Variants in ATAD3B observed in about 807,000 individuals in gnomAD.
The protein encoded by ATAD3B is ATPase family AAA domain containing 3B.
In ATAD3B, 59 loss-of-function variants were observed where a neutral mutation model predicts 70.2. The ratio of observed to expected loss-of-function variants is 0.84; its 90% CI spans 0.68 to 1.04. The LOEUF is 1.04. ATAD3B is among the 50% of genes least tolerant of loss of function. The pLI, the probability that ATAD3B is intolerant of heterozygous loss-of-function variation, is 0.00. For missense variants in ATAD3B, 961 were observed against 913.4 expected (o/e 1.05, Z -0.67); for synonymous variants, 423 against 388.6 (o/e 1.09, Z -1.04).
chr1:1,491,135 A>C (rs1225303823), intron 15 of ATAD3B, among the ~76,000 whole-genome samples: 1 of 151,582 alleles, frequency 6.6e-6, no homozygotes, highest in African/African-American at 2.4e-5. Context: ...CTGGCCTCCG[A>C]TTGTCCCACA....
intron 3 of ATAD3B, 76 bp from the exon 4 acceptor site, chr1:1,478,973 C>G: frequency 1.3e-6 from 1 of 752,276 alleles, no homozygotes; most frequent in Non-Finnish European, 2.0e-6. Flanking sequence ...GCGTCGGAGT[C>G]CCCGGCGCTC....
chr1:1,498,907 C>T (rs1377519750), downstream of ATAD3B, among the ~76,000 whole-genome samples: 1 of 151,632 alleles, frequency 6.6e-6, no homozygotes, highest in Non-Finnish European at 1.5e-5. Context: ...AGCGCCTGGA[C>T]AAGGGAGGGG....
In ATAD3B at chr1:1,497,425, C is replaced by T. The variant is rs1640827389; in HGVS notation, c.*1608C>T. On this transcript the variant is annotated 3_prime_UTR_variant, in exon 16 of 16. Transcript: ENST00000673477. ...TAAAAATTTGTTGTAGAGACCGAGTCTTGCTATAATGCCCAGGCTGGTCTC... is the reference window on the plus strand; with the variant it reads ...TAAAAATTTGTTGTAGAGACCGAGTTTTGCTATAATGCCCAGGCTGGTCTC... 6.7e-6 allele frequency: 1 copy of T among 149,556 alleles called. No homozygotes were observed. Among genetic ancestry groups the T allele is most frequent in the Non-Finnish European group, 1.5e-5 (1 of 67,630 alleles). The allele number at this position is 149,556 out of a possible 1,614,324, so 9.3% of individuals were successfully genotyped here. A position where few individuals can be genotyped will look rare whatever the true frequency, so the allele number is the denominator to read the frequency against.
chr1:1,507,349 A>G, the ATAD3B span, among the ~76,000 whole-genome samples: 17 of 152,156 alleles, frequency 1.1e-4, no homozygotes, highest in Non-Finnish European at 4.4e-5. Context: ...GTGTGTTTCA[A>G]TTCCTGGCTT....
At chr1:1,477,185 T>G (rs547399752) in intron 1 of ATAD3B, 89 bp from the exon 2 acceptor site, 21 of 1,527,042 alleles carry the variant, frequency 1.4e-5, no homozygotes, top group Non-Finnish European at 1.9e-5. Flanking sequence ...GGTTTTTGTA[T>G]TTTTAGTAGA....
downstream of ATAD3B, among the ~76,000 whole-genome samples, chr1:1,498,619 G>A (rs1346587757): frequency 6.6e-6 from 1 of 151,782 alleles, no homozygotes; most frequent in Non-Finnish European, 1.5e-5. Flanking sequence ...TGTTGCCTAG[G>A]CTGGTCTCCA....
In ATAD3B at chr1:1,495,779, G is replaced by T; in HGVS notation, c.1909G>T (p.Gly637Cys). 1.2e-6 allele frequency: 2 copies of T among 1,603,546 alleles called. No homozygotes were observed. Among genetic ancestry groups the T allele is most frequent in the Non-Finnish European group, 1.7e-6 (2 of 1,174,384 alleles). ...PLSPRMSCGG[G>C]RPFCPPGHPL... ...GTCCCCCAGGATGTCTTGTGGTGGC[G>T]GTCGGCCGTTCTGCCCCCCAGGGCA... The change falls in exon 16 of 16, where the codon GGT becomes TGT. Residue 637 changes from glycine to cysteine, a missense_variant. Gly to Cys is a radical substitution (Grantham distance 159). This residue lies in a region of ATAD3B where 417 missense variants were observed against 335.0 expected (regional missense o/e 1.24). Transcript: ENST00000673477.
In ATAD3B at chr1:1,495,598, G is replaced by C; in HGVS notation, c.1728G>C (p.Gly576=). ...AGATGCGCTGGCTGAAGGCGGAGGG[G>C]CCTGGGCGCGGGGTCGAGCACCCCC... ...RQKMRWLKAE[G]PGRGVEHPLS... is the part of the protein sequence containing the mutation. Residue 576 remains glycine, a synonymous_variant, in exon 16 of 16, where the codon GGG becomes GGC. Coordinates refer to ENST00000673477, the MANE Select transcript of ATAD3B (RefSeq NM_031921.6). The C allele has an allele frequency of 6.2e-7, 1 of 1,613,136 alleles. No individual in the cohort carries two copies. The highest frequency in any genetic ancestry group is 8.5e-7 in the Non-Finnish European group (1 of 1,179,498).
chr1:1,492,993 C>T (rs1277294985), intron 15 of ATAD3B, among the ~76,000 whole-genome samples: 1 of 151,568 alleles, frequency 6.6e-6, no homozygotes, highest in Admixed American at 6.6e-5. Context: ...CACCTGTAAT[C>T]CCAGCTGCTC....
At chr1:1,501,094 T>C (rs1640935273), downstream of ATAD3B, among the ~76,000 whole-genome samples, 1 of 152,082 alleles carries the variant, frequency 6.6e-6, no homozygotes, top group South Asian at 2.1e-4. Flanking sequence ...TTAACTCTAT[T>C]TTTTTATTTT....
Position 1,486,165 on chromosome 1 carries a change from A to G in ATAD3B, c.1019A>G (p.Lys340Arg), listed in dbSNP as rs370502580. ...GCCATAGCAACCAGGAACACCAAGA[A>G]GAACCGGGGCCTGTACAGGCACATC... ...DIAIATRNTK[K>R]NRGLYRHILL... The change falls in exon 10 of 16, where the codon AAG (lysine) becomes AGG (arginine). Residue 340 changes from lysine (K) to arginine (R), a missense_variant. Transcript: ENST00000673477. 10 of 1,613,316 alleles carry G rather than the reference A, an allele frequency of 6.2e-6. No individual in the cohort carries two copies. Among genetic ancestry groups the G allele is most frequent in the Non-Finnish European group, 8.5e-6 (10 of 1,179,662 alleles).
rs375936239 is a variant in ATAD3B at position 1,477,356 on chromosome 1, T to A, written c.282+6T>A. On this transcript the variant is annotated splice_donor_region_variant and intron_variant, in intron 2 of 15. Coordinates refer to ENST00000673477, the MANE Select transcript of ATAD3B (RefSeq NM_031921.6). ...AGCAACAGTCCAAGCTCAAAGTGAG[T>A]GGGGCCGGTGTGGGCGAGGAGGCCG... 76 of 1,611,742 alleles carry A rather than the reference T, an allele frequency of 4.7e-5. 1 individual carries two copies. The highest frequency in any genetic ancestry group is 6.0e-5 in the Non-Finnish European group (71 of 1,179,632).
At chr1:1,492,099 T>C (rs1570273734) in intron 15 of ATAD3B, among the ~76,000 whole-genome samples, 1 of 151,166 alleles carries the variant, frequency 6.6e-6, no homozygotes, top group South Asian at 2.1e-4. Context: ...GGTGGGAGGG[T>C]CACTTGAGTC....
intron 1 of ATAD3B, among the ~76,000 whole-genome samples, chr1:1,473,815 A>T (rs1019476608): frequency 7.3e-5 from 11 of 150,384 alleles, no homozygotes; most frequent in African/African-American, 2.7e-4. Context: ...CTTTTTAGAA[A>T]GAAGATCATT....
chr1:1,506,787 C>CTTTTT, the ATAD3B span, among the ~76,000 whole-genome samples: 7 of 120,052 alleles, frequency 5.8e-5, no homozygotes, highest in Non-Finnish European at 1.2e-4. Flanking sequence ...TTTCTTTTTT[C>CTTTTT]TTTTTTTTTT....
At position 1,495,474 on chromosome 1, in the gene ATAD3B, C is replaced by T. The variant is rs372569274; in HGVS notation, c.1615-11C>T. The T allele has an allele frequency of 1.9e-6, 3 of 1,590,996 alleles. No homozygotes were observed. The highest frequency in any genetic ancestry group is 2.6e-6 in the Non-Finnish European group (3 of 1,164,808). On this transcript the variant is annotated splice_polypyrimidine_tract_variant and intron_variant, in intron 15 of 15. Coordinates refer to ENST00000673477, the MANE Select transcript of ATAD3B (RefSeq NM_031921.6). ...ATAGCGGCCTCCCTCAGCTCCCTCT[C>T]TCTTCACTAGGCCACGGCATATGCC... is the stretch of plus-strand genomic sequence containing the variant.
intron 12 of ATAD3B, among the ~76,000 whole-genome samples, chr1:1,488,384 C>A (rs1640350533): frequency 6.6e-6 from 1 of 152,010 alleles, no homozygotes; most frequent in African/African-American, 2.4e-5. Context: ...CACTAACACG[C>A]CCGGCTAATT....
chr1:1,494,456 C>T (rs556729153), intron 15 of ATAD3B, among the ~76,000 whole-genome samples: 47 of 149,226 alleles, frequency 3.1e-4, no homozygotes, highest in East Asian at 1.2e-3. Context: ...GTGTCTCCTG[C>T]GCTCCCGGGC....
chr1:1,474,544 G>C (rs1421730836), intron 1 of ATAD3B, among the ~76,000 whole-genome samples: 1 of 151,774 alleles, frequency 6.6e-6, no homozygotes, highest in Non-Finnish European at 1.5e-5. Flanking sequence ...CTGCCGCCCA[G>C]GCTGGAATGC....
Sources: gnomAD v4.1 joint callset for allele counts (sites outside exome capture counted in the v4.1 genomes callset) on GRCh38, gnomAD v4.1.1 for gene constraint, gnomAD v4.1.1 regional missense constraint, MANE v1.5 for transcripts, NCBI Gene and HGNC (gene_info 2026-07-23, HGNC 2026-07-21) for gene names.